CBX1: variants seen among roughly 807,000 people sequenced by gnomAD.
CBX1 encodes chromobox protein homolog 1.
In CBX1, 10 loss-of-function variants were observed where a neutral mutation model predicts 25.1. The ratio of observed to expected loss-of-function variants is 0.40; its 90% CI spans 0.25 to 0.68. CBX1 has a LOEUF of 0.68. Ranked by LOEUF, CBX1 falls within the 30% of genes least tolerant of loss-of-function variation. The pLI, the probability that CBX1 is intolerant of heterozygous loss-of-function variation, is 0.40. For missense variants in CBX1, 106 were observed against 218.5 expected (o/e 0.49, Z 3.25); for synonymous variants, 63 against 79.4 (o/e 0.79, Z 1.10).
At chr17:48,099,753 G>C (rs564241468) in intron 1 of CBX1, among the ~76,000 whole-genome samples, 4 of 152,112 alleles carry the variant, frequency 2.6e-5, no homozygotes, top group Admixed American at 1.3e-4. Context: ...GATTATAGCT[G>C]AACTTTTTGT....
Position 48,073,824 on chromosome 17 carries a change from C to CAAAAAAAAAAAAAAAAAAAAA in CBX1, c.413+1161_413+1181dup, listed in dbSNP as rs60857566. Among the ~76,000 whole-genome samples the CAAAAAAAAAAAAAAAAAAAAA allele has an allele frequency of 2.1e-3, 174 of 82,474 alleles. 2 individuals are homozygous for CAAAAAAAAAAAAAAAAAAAAA. The highest frequency in any genetic ancestry group is 6.1e-3 in the Middle Eastern group (1 of 164). 54.1% of individuals were successfully genotyped at this position (82,474 alleles called of 152,430 possible). The stretch of plus-strand genomic sequence containing the variant: ...CCTGGGCGAAAGAGTGAGACTGTCT[C>CAAAAAAAAAAAAAAAAAAAAA]AAAAAAAAAAAAAAAAAAAAAGACA... On this transcript the variant is annotated intron_variant, in intron 4 of 4. Coordinates refer to ENST00000225603, the MANE Select transcript of CBX1 (RefSeq NM_001127228.2).
rs1361500904 is a variant in CBX1, at chr17:48,076,026, C to T, written c.293G>A (p.Ser98Asn). The T allele has an allele frequency of 6.2e-7, 1 of 1,607,616 alleles. No individual in the cohort carries two copies. Among genetic ancestry groups the T allele is most frequent in the African/African-American group, 1.3e-5 (1 of 74,836 alleles). ...CTCTTCTTTCTTCTTCTTTGGTTTGCTCTCCTCTCCCTTATCTTCAGAATC... is the reference window on the plus strand; with the variant it reads ...CTCTTCTTTCTTCTTCTTTGGTTTGTTCTCCTCTCCCTTATCTTCAGAATC... ...DSDSEDKGEE[S>N]KPKKKKEESE... Residue 98 changes from serine to asparagine, a missense_variant, in exon 3 of 5, where the codon AGC becomes AAC. Ser to Asn is a conservative substitution (Grantham distance 46). This residue lies in a region of CBX1 where 71 missense variants were observed against 144.1 expected (regional missense o/e 0.49). Coordinates refer to ENST00000225603, the MANE Select transcript of CBX1 (RefSeq NM_001127228.2).
intron 1 of CBX1, among the ~76,000 whole-genome samples, chr17:48,094,631 G>A (rs2063362499): frequency 6.6e-6 from 1 of 151,326 alleles, no homozygotes; most frequent in African/African-American, 2.4e-5. Context: ...TCAAGAAGCT[G>A]AGGCACGATA....
chr17:48,077,479 G>T (rs2037689293), intron 1 of CBX1, among the ~76,000 whole-genome samples: 1 of 145,812 alleles, frequency 6.9e-6, no homozygotes, highest in Non-Finnish European at 1.5e-5. Flanking sequence ...GTAGAGACGG[G>T]ATTTCACTAT....
In CBX1 at chr17:48,101,178, C is replaced by T. The variant is rs1481505678; in HGVS notation, c.-38+90G>A. On this transcript the variant is annotated intron_variant, in intron 1 of 4. Coordinates refer to ENST00000225603, the MANE Select transcript of CBX1 (RefSeq NM_001127228.2). Reference sequence around the variant, plus strand: ...CGCGCTCCCCGCTCCTAACCTCCGCCTCGAAAGCGCGTTCCCTCACGCAGG... The same window carrying T: ...CGCGCTCCCCGCTCCTAACCTCCGCTTCGAAAGCGCGTTCCCTCACGCAGG... The T allele has an allele frequency of 4.0e-6, 4 of 988,210 alleles. No individual in the cohort carries two copies. In the African/African-American group the frequency reaches 7.0e-5, roughly 17 times the overall value. The allele number at this position is 988,210 out of a possible 1,614,324, so 61.2% of individuals were successfully genotyped here.
Position 48,101,316 on chromosome 17 carries a change from G to GCGCGT in CBX1, c.-91_-87dup, listed in dbSNP as rs1245552370. 4 of 986,222 alleles carry GCGCGT rather than the reference G, an allele frequency of 4.1e-6. No homozygotes were observed. The highest frequency in any genetic ancestry group is 1.2e-6 in the Non-Finnish European group (1 of 830,036). The allele number at this position is 986,222 out of a possible 1,614,324, so 61.1% of individuals were successfully genotyped here. A position where few individuals can be genotyped will look rare whatever the true frequency, so the allele number is the denominator to read the frequency against. The stretch of plus-strand genomic sequence containing the variant: ...GAGAGGAATCGGTGCTGCGCTGCTG[G>GCGCGT]CGCGTCGCGTCGGGTCGCCTGGGGG... On this transcript the variant is annotated 5_prime_UTR_variant, in exon 1 of 5. Coordinates refer to ENST00000225603, the MANE Select transcript of CBX1 (RefSeq NM_001127228.2).
At chr17:48,094,490 T>C (rs1415065853) in intron 1 of CBX1, among the ~76,000 whole-genome samples, 1 of 150,968 alleles carries the variant, frequency 6.6e-6, no homozygotes, top group East Asian at 2.0e-4. Flanking sequence ...CTCAGCACTT[T>C]GGGAGGCCGA....
intron 1 of CBX1, among the ~76,000 whole-genome samples, chr17:48,097,126 G>A (rs7209585): frequency 0.73 from 110,392 of 151,636 alleles, 40,892 homozygotes; most frequent in Admixed American, 0.82. Flanking sequence ...GGTGGCAGGC[G>A]CCTGTAATTC....
At chr17:48,085,302 T>C (rs1207051804) in intron 1 of CBX1, among the ~76,000 whole-genome samples, 2 of 152,142 alleles carry the variant, frequency 1.3e-5, no homozygotes, top group African/African-American at 4.8e-5. Context: ...TTAGATGAAA[T>C]AGATCACCTA....
intron 1 of CBX1, among the ~76,000 whole-genome samples, chr17:48,077,451 T>G (rs55791994): frequency 0.53 from 60,561 of 115,230 alleles, 14,234 homozygotes; most frequent in South Asian, 0.64. Context: ...TTTTGTTTTT[T>G]TTGTTTTTTT....
intron 3 of CBX1, 55 bp from the exon 4 acceptor site, chr17:48,075,155 C>A: frequency 8.9e-7 from 1 of 1,122,992 alleles, no homozygotes; most frequent in South Asian, 1.2e-5. Flanking sequence ...ATTATCCAGA[C>A]TGGAACCATT....
chr17:48,098,825 A>AT (rs547733948), intron 1 of CBX1, among the ~76,000 whole-genome samples: 27 of 152,028 alleles, frequency 1.8e-4, no homozygotes, highest in Middle Eastern at 3.4e-3. Flanking sequence ...TGCAGATAGG[A>AT]TTTTTTTTTA....
Position 48,101,452 on chromosome 17 carries a change from T to G in CBX1, c.-222A>C. 1 of 985,578 alleles carries G rather than the reference T, an allele frequency of 1.0e-6. No homozygotes were observed. Among genetic ancestry groups the G allele is most frequent in the Non-Finnish European group, 1.2e-6 (1 of 830,114 alleles). The allele number at this position is 985,578 out of a possible 1,614,324, so 61.1% of individuals were successfully genotyped here. A position where few individuals can be genotyped will look rare whatever the true frequency, so the allele number is the denominator to read the frequency against. On this transcript the variant is annotated 5_prime_UTR_variant, in exon 1 of 5. Transcript: ENST00000225603. The stretch of plus-strand genomic sequence containing the variant: ...CTCCCCTCAGCCGAACAAAAGAGCC[T>G]CGCAGTCTGCGCTGCCCGCCGCTCG...
intron 2 of CBX1, 132 bp from the exon 3 acceptor site, chr17:48,076,310 T>C: frequency 1.6e-6 from 1 of 620,672 alleles, no homozygotes; most frequent in East Asian, 2.8e-5. Flanking sequence ...GGAAGCTTTT[T>C]AGTATAAATA....
intron 1 of CBX1, chr17:48,088,311 A>G (rs1336530494): frequency 9.7e-6 from 1 of 102,604 alleles, no homozygotes; most frequent in African/African-American, 5.2e-5. Context: ...CCTCCGTCTG[A>G]AAAAAAAAAA....
chr17:48,082,195 G>T (rs1285954813), intron 1 of CBX1, among the ~76,000 whole-genome samples: 3 of 151,884 alleles, frequency 2.0e-5, no homozygotes, highest in Non-Finnish European at 4.4e-5. Flanking sequence ...GAGGAAGCAA[G>T]ACTGTCTTTA....
At chr17:48,098,371 T>C (rs953450519) in intron 1 of CBX1, among the ~76,000 whole-genome samples, 1 of 152,252 alleles carries the variant, frequency 6.6e-6, no homozygotes, top group African/African-American at 2.4e-5. Flanking sequence ...CAAACTACTA[T>C]GCACATTAAT....
intron 1 of CBX1, among the ~76,000 whole-genome samples, chr17:48,097,288 C>T (rs1473125987): frequency 1.3e-5 from 2 of 150,934 alleles, no homozygotes; most frequent in Non-Finnish European, 2.9e-5. Flanking sequence ...CACATTGTAC[C>T]CCATAAGGAT....
chr17:48,077,433 G>GGT (rs1885282177), intron 1 of CBX1, among the ~76,000 whole-genome samples: 1 of 128,840 alleles, frequency 7.8e-6, no homozygotes, highest in Admixed American at 7.9e-5. Flanking sequence ...AATTTTTGTT[G>GGT]TTTTTTTTTT....
Sources: gnomAD v4.1 joint callset for allele counts (sites outside exome capture counted in the v4.1 genomes callset) on GRCh38, gnomAD v4.1.1 for gene constraint, gnomAD v4.1.1 regional missense constraint, MANE v1.5 for transcripts, NCBI Gene and HGNC (gene_info 2026-07-23, HGNC 2026-07-21) for gene names.